The following FBXL4 variants were observed in gnomAD, a reference collection of about 807,000 sequenced individuals.
FBXL4 encodes the protein F-box/LRR-repeat protein 4.
Under a neutral mutation model 58.9 loss-of-function variants are expected in FBXL4, and 40 were observed. The ratio of observed to expected loss-of-function variants is 0.68; its 90% CI spans 0.53 to 0.88. FBXL4 has a LOEUF of 0.88. Among genes scored for constraint, FBXL4 ranks in the 40% least tolerant of loss-of-function variants. The pLI, the probability that FBXL4 is intolerant of heterozygous loss-of-function variation, is 0.00. For missense variants in FBXL4, 676 were observed against 734.4 expected, an observed-to-expected ratio of 0.92 and a Z score of 0.92; for synonymous variants, 263 against 265.5, an observed-to-expected ratio of 0.99 and a Z score of 0.09.
chr6:98,926,869 T>G lies in FBXL4; in HGVS notation c.120A>C (p.Ser40=). Residue 40 remains serine (S), a synonymous_variant, in exon 4 of 10, where the codon TCA becomes TCC. Transcript: ENST00000369244. The part of the protein sequence containing the change: ...EMMNTHRAIE[S]NSQTSPLNAE... ...CATTGAGAGGGGAAGTCTGGCTGTT[T>G]GATTCTATAGCTCTATGGGTGTTCA... 1 of 1,614,192 alleles carries G rather than the reference T, an allele frequency of 6.2e-7. No individual in the cohort carries two copies. Among genetic ancestry groups the G allele is most frequent in the East Asian group, 2.2e-5 (1 of 44,884 alleles).
intron 2 of FBXL4, among the ~76,000 whole-genome samples, chr6:98,930,147 A>G (rs1263132381): frequency 6.6e-6 from 1 of 152,234 alleles, no homozygotes; most frequent in African/African-American, 2.4e-5. Context: ...AAAATGAACC[A>G]TGATGAGAGA....
In FBXL4 at chr6:98,917,292, G is replaced by A. The variant is rs952543645; in HGVS notation, c.858+82C>T. On this transcript the variant is annotated intron_variant, in intron 5 of 9. Coordinates refer to ENST00000369244, the MANE Select transcript of FBXL4 (RefSeq NM_001278716.2). Reference sequence around the variant, plus strand: ...TATAACTTACCAATGCTCAATTACCGATGCTCAGTAAACATTAATATCTAA... The same window carrying A: ...TATAACTTACCAATGCTCAATTACCAATGCTCAGTAAACATTAATATCTAA... The A allele has an allele frequency of 2.1e-5, 20 of 950,306 alleles. No homozygotes were observed. In the East Asian group the frequency reaches 3.1e-4, roughly 15 times the overall value. 58.9% of individuals were successfully genotyped at this position (950,306 alleles called of 1,614,324 possible).
chr6:98,935,746 G>A (rs1026514628), intron 1 of FBXL4, among the ~76,000 whole-genome samples: 5 of 142,616 alleles, frequency 3.5e-5, no homozygotes, highest in Admixed American at 7.2e-5. Context: ...CCGAGATTGC[G>A]CCACTGCAGT....
Position 98,926,864 on chromosome 6 carries a change from C to T in FBXL4, c.125G>A (p.Ser42Asn), listed in dbSNP as rs750080180. ...MNTHRAIESN[S>N]QTSPLNAEVV... is the part of the protein sequence containing the mutation. Reference sequence around the variant, plus strand: ...CTCTGCATTGAGAGGGGAAGTCTGGCTGTTTGATTCTATAGCTCTATGGGT... The same window carrying T: ...CTCTGCATTGAGAGGGGAAGTCTGGTTGTTTGATTCTATAGCTCTATGGGT... Residue 42 changes from serine to asparagine, a missense_variant, in exon 4 of 10, where the codon AGC (serine) becomes AAC (asparagine). Coordinates refer to ENST00000369244, the MANE Select transcript of FBXL4 (RefSeq NM_001278716.2). 1.5e-5 allele frequency: 24 copies of T among 1,614,084 alleles called. No homozygotes were observed. The African/African-American group carries it at 2.4e-4, about 16-fold the overall frequency.
At chr6:98,909,144 T>A (rs1424218902) in intron 5 of FBXL4, among the ~76,000 whole-genome samples, 1 of 152,238 alleles carries the variant, frequency 6.6e-6, no homozygotes, top group Non-Finnish European at 1.5e-5. Flanking sequence ...AAGTAAATTA[T>A]CTGCAAAGTC....
chr6:98,892,081 A>G (rs970138106), intron 7 of FBXL4, among the ~76,000 whole-genome samples: 5 of 152,210 alleles, frequency 3.3e-5, no homozygotes, highest in Admixed American at 1.3e-4. Context: ...GGATACAGAA[A>G]TATAGCCTAG....
At position 98,874,380 on chromosome 6, in the gene FBXL4, A is replaced by C. The variant is rs770326964; in HGVS notation, c.1764T>G (p.Ser588=). 1.2e-6 allele frequency: 2 copies of C among 1,613,398 alleles called. No homozygotes were observed. Among genetic ancestry groups the C allele is most frequent in the South Asian group, 2.2e-5 (2 of 91,028 alleles). Residue 588 remains serine, a synonymous_variant, in exon 10 of 10, where the codon TCT becomes TCG. Transcript: ENST00000369244. ...GCGAACAGAAGGACACATCAAGTAA[A>C]GAAAGATCTTTACAAGATTCCAGGA... ...RKLLESCKDL[S]LLDVSFCSQI... is the part of the protein sequence containing the mutation.
chr6:98,868,902 T>C lies in FBXL4; in HGVS notation c.*5376A>G, dbSNP rs544253097. On this transcript the variant is annotated 3_prime_UTR_variant, in exon 10 of 10. Transcript: ENST00000369244. ...TCATATGCACAAAATTTAAGCCAAATATTCAAGCTTACAGGCAAAGATCTT... is the reference window on the plus strand; with the variant it reads ...TCATATGCACAAAATTTAAGCCAAACATTCAAGCTTACAGGCAAAGATCTT... 6.6e-6 allele frequency: 1 copy of C among 152,330 alleles called. No homozygotes were observed. The highest frequency in any genetic ancestry group is 1.9e-4 in the East Asian group (1 of 5,188). 9.4% of individuals were successfully genotyped at this position (152,330 alleles called of 1,614,324 possible).
At chr6:98,932,041 AC>A (rs1008676342) in intron 2 of FBXL4, among the ~76,000 whole-genome samples, 2 of 152,226 alleles carry the variant, frequency 1.3e-5, no homozygotes, top group African/African-American at 4.8e-5. Context: ...TATTTTTCCC[AC>A]CTGGTGCAAA....
At chr6:98,935,737 C>G (rs1384227980) in intron 1 of FBXL4, among the ~76,000 whole-genome samples, 1 of 144,952 alleles carries the variant, frequency 6.9e-6, no homozygotes, top group Non-Finnish European at 1.5e-5. Flanking sequence ...TGCAGTGAGC[C>G]GAGATTGCGC....
Position 98,872,960 on chromosome 6 carries a change from C to A in FBXL4, c.*1318G>T, listed in dbSNP as rs565519034. 1 of 152,116 alleles carries A rather than the reference C, an allele frequency of 6.6e-6. No individual in the cohort carries two copies. The highest frequency in any genetic ancestry group is 1.5e-5 in the Non-Finnish European group (1 of 68,024). The allele number at this position is 152,116 out of a possible 1,614,324, so 9.4% of individuals were successfully genotyped here. A position where few individuals can be genotyped will look rare whatever the true frequency, so the allele number is the denominator to read the frequency against. On this transcript the variant is annotated 3_prime_UTR_variant, in exon 10 of 10. Coordinates refer to ENST00000369244, the MANE Select transcript of FBXL4 (RefSeq NM_001278716.2). The stretch of plus-strand genomic sequence containing the variant: ...GCAAAGCACAAGAAACAGTGCCAGG[C>A]ACAAAGGAAGCATTCTCCTCATGTG...
At chr6:98,918,416 C>T (rs1248547739) in intron 4 of FBXL4, among the ~76,000 whole-genome samples, 1 of 152,050 alleles carries the variant, frequency 6.6e-6, no homozygotes, top group African/African-American at 2.4e-5. Flanking sequence ...AACTTATTTC[C>T]ACCTTTATGT....
chr6:98,908,205 C>T (rs942383312), intron 5 of FBXL4, among the ~76,000 whole-genome samples: 2 of 152,190 alleles, frequency 1.3e-5, no homozygotes, highest in African/African-American at 4.8e-5. Context: ...AACCATCCCT[C>T]TCCCCAAAGA....
rs1770449173 is a variant in FBXL4 at position 98,869,894 on chromosome 6, T to C, written c.*4384A>G. 6.6e-6 allele frequency: 1 copy of C among 152,218 alleles called. No homozygotes were observed. The highest frequency in any genetic ancestry group is 1.5e-5 in the Non-Finnish European group (1 of 68,046). The allele number at this position is 152,218 out of a possible 1,614,324, so 9.4% of individuals were successfully genotyped here. A position where few individuals can be genotyped will look rare whatever the true frequency, so the allele number is the denominator to read the frequency against. Reference sequence around the variant, plus strand: ...AGATCTTATTTCAAAACAATTTACATTGAGAGTATTATTTATGCTCTTAAA... The same window carrying C: ...AGATCTTATTTCAAAACAATTTACACTGAGAGTATTATTTATGCTCTTAAA... On this transcript the variant is annotated 3_prime_UTR_variant, in exon 10 of 10. Coordinates refer to ENST00000369244, the MANE Select transcript of FBXL4 (RefSeq NM_001278716.2).
intron 7 of FBXL4, among the ~76,000 whole-genome samples, chr6:98,891,819 G>A (rs1562222947): frequency 1.3e-5 from 2 of 151,992 alleles, no homozygotes; most frequent in Non-Finnish European, 1.5e-5. Context: ...CCAACTGTGA[G>A]AGGATGGGTT....
At chr6:98,913,025 T>C (rs1000896640) in intron 5 of FBXL4, among the ~76,000 whole-genome samples, 1 of 151,846 alleles carries the variant, frequency 6.6e-6, no homozygotes, top group Non-Finnish European at 1.5e-5. Context: ...GGGGTTGCAA[T>C]CCTAGTCTCT....
chr6:98,893,196 C>A (rs1771288265), intron 7 of FBXL4, among the ~76,000 whole-genome samples: 2 of 152,176 alleles, frequency 1.3e-5, no homozygotes, highest in South Asian at 4.1e-4. Flanking sequence ...CACTCTCATG[C>A]ACTATGTTAA....
intron 4 of FBXL4, among the ~76,000 whole-genome samples, chr6:98,923,174 A>G (rs1772648819): frequency 6.6e-6 from 1 of 152,086 alleles, no homozygotes; most frequent in African/African-American, 2.4e-5. Flanking sequence ...CTCTCTAGCA[A>G]CTTTGCCTCC....
rs1364610695 is a variant in FBXL4 at position 98,872,236 on chromosome 6, T to G, written c.*2042A>C. 2.0e-5 allele frequency: 3 copies of G among 152,192 alleles called. No individual in the cohort carries two copies. The highest frequency in any genetic ancestry group is 7.2e-5 in the African/African-American group (3 of 41,456). The allele number at this position is 152,192 out of a possible 1,614,324, so 9.4% of individuals were successfully genotyped here. On this transcript the variant is annotated 3_prime_UTR_variant, in exon 10 of 10. Coordinates refer to ENST00000369244, the MANE Select transcript of FBXL4 (RefSeq NM_001278716.2). ...AATTTAACAGTGCAATTGAGGAGCT[T>G]CTGCCTAGTCTTCAATTGGAAGTGA...
Sources: allele counts gnomAD v4.1 joint callset (sites outside exome capture counted in the v4.1 genomes callset), GRCh38; gene constraint gnomAD v4.1.1; transcripts MANE v1.5; gene names NCBI Gene and HGNC (gene_info 2026-07-23, HGNC 2026-07-21).